PLCH2: variants seen among roughly 807,000 people sequenced by gnomAD.
PLCH2 encodes phospholipase C eta 2.
Under a neutral mutation model 134.7 loss-of-function variants are expected in PLCH2, and 98 were observed. The observed-to-expected ratio is 0.73, with a 90% CI of 0.62 to 0.86. The LOEUF is 0.86. Ranked by LOEUF, PLCH2 falls within the 40% of genes least tolerant of loss-of-function variation. The pLI is 0.00. For synonymous variants in PLCH2, 974 were observed against 827.5 expected, an observed-to-expected ratio of 1.18 and a Z score of -3.04; for missense variants, 1,994 against 1,986.6, an observed-to-expected ratio of 1.00 and a Z score of -0.07.
At chr1:2,503,305 C>T (rs3814298) in intron 21 of PLCH2, 126,696 of 567,120 alleles carry the variant, frequency 0.22, 15,976 homozygotes, top group Middle Eastern at 0.27. Context: ...CTGGGGGCCA[C>T]GTACCATCCC....
chr1:2,431,088 T>C lies in PLCH2; in HGVS notation c.115+459T>C, dbSNP rs140037747. On this transcript the variant is annotated intron_variant, in intron 2 of 3. Transcript: ENST00000609981. ...GAGCTGGTCCCCTGAGCTCCTGAGC[T>C]TCTGCTGGGATGCCCTGGAGTGGCA... Among the ~76,000 whole-genome samples, 125 of 152,302 alleles carry C rather than the reference T, an allele frequency of 8.2e-4. 4 individuals are homozygous for C. The East Asian group carries it at 0.015, about 18-fold the overall frequency.
intron 5 of PLCH2, among the ~76,000 whole-genome samples, chr1:2,486,704 G>A (rs554408527): frequency 1.4e-3 from 209 of 152,352 alleles, no homozygotes; most frequent in African/African-American, 4.7e-3. Context: ...CTCCCGTGCC[G>A]TCAGAGTTCA....
intron 18 of PLCH2, 30 bp from the exon 19 acceptor site, chr1:2,499,054 G>A: frequency 6.3e-7 from 1 of 1,596,018 alleles, no homozygotes; most frequent in Non-Finnish European, 8.5e-7. Flanking sequence ...CCCTCCCCAT[G>A]GGACACTCCT....
chr1:2,436,969 G>A (rs1470046444), intron 2 of PLCH2, among the ~76,000 whole-genome samples: 1 of 152,202 alleles, frequency 6.6e-6, no homozygotes, highest in Non-Finnish European at 1.5e-5. Context: ...CCTTGGGTGG[G>A]GGTGAGCATG....
upstream of PLCH2, among the ~76,000 whole-genome samples, chr1:2,425,105 G>A (rs1042449076): frequency 2.6e-5 from 4 of 151,012 alleles, no homozygotes; most frequent in Non-Finnish European, 5.9e-5. Context: ...GGAGGCTGCA[G>A]TGAGCGGAGA....
chr1:2,441,370 C>T (rs1466630364), intron 2 of PLCH2, among the ~76,000 whole-genome samples: 1 of 152,226 alleles, frequency 6.6e-6, no homozygotes, highest in African/African-American at 2.4e-5. Context: ...TGGGCCTGCA[C>T]TGGGAGGGGC....
chr1:2,490,513 G>C (rs1018910723), intron 10 of PLCH2, among the ~76,000 whole-genome samples: 2 of 152,196 alleles, frequency 1.3e-5, no homozygotes, highest in Non-Finnish European at 2.9e-5. Flanking sequence ...ACACTGCTCT[G>C]GGGCCGCTGC....
In PLCH2 at chr1:2,504,510, G is replaced by C; in HGVS notation, c.3548G>C (p.Arg1183Thr). 6.2e-7 allele frequency: 1 copy of C among 1,612,440 alleles called. No individual in the cohort carries two copies. The highest frequency in any genetic ancestry group is 8.5e-7 in the Non-Finnish European group (1 of 1,179,670). ...GCCCACATGGGACGCCTGCCCCCCA[G>C]GCCCCACTCGGCTTCGGCTGCCCGC... ...AGAHMGRLPP[R>T]PHSASAARPD... Residue 1183 changes from arginine (R) to threonine (T), a missense_variant, in exon 22 of 22, where the codon AGG becomes ACG. Around this residue, in one of 2 missense-constraint regions of PLCH2, gnomAD observed 900 missense variants for 752.3 expected, o/e 1.20. Transcript: ENST00000378486.
chr1:2,436,835 C>CT (rs2100511286), intron 2 of PLCH2, among the ~76,000 whole-genome samples: 1 of 152,302 alleles, frequency 6.6e-6, no homozygotes, highest in East Asian at 1.9e-4. Context: ...GTTGGTCTTC[C>CT]TGGGCCAGGG....
intron 2 of PLCH2, among the ~76,000 whole-genome samples, chr1:2,455,502 G>A (rs1640446123): frequency 6.6e-6 from 1 of 152,194 alleles, no homozygotes; most frequent in African/African-American, 2.4e-5. Context: ...AGGGCCTACT[G>A]GGGGCGCAGG....
upstream of PLCH2, among the ~76,000 whole-genome samples, chr1:2,473,039 G>A (rs1641410977): frequency 6.6e-6 from 1 of 152,162 alleles, no homozygotes; most frequent in Admixed American, 6.5e-5. Flanking sequence ...ACAGCCGCGA[G>A]GCCCATGCTG....
At chr1:2,476,125 G>A (rs893024604), upstream of PLCH2, among the ~76,000 whole-genome samples, 3 of 152,206 alleles carry the variant, frequency 2.0e-5, no homozygotes, top group East Asian at 1.9e-4. Context: ...CTCTTGTCCC[G>A]CAGCCCTGAC....
At chr1:2,501,884 T>C (rs1570497310) in intron 20 of PLCH2, 2 of 465,024 alleles carry the variant, frequency 4.3e-6, no homozygotes, top group African/African-American at 2.0e-5. Context: ...GGGTGGGCCA[T>C]GTGTACTTAG....
At chr1:2,503,644 G>GT (rs1372779334) in intron 21 of PLCH2, 1 of 697,136 alleles carries the variant, frequency 1.4e-6, no homozygotes, top group Non-Finnish European at 2.6e-6. Context: ...CGAGTGACAG[G>GT]TAACGGGGCC....
chr1:2,448,399 T>C lies in PLCH2; in HGVS notation c.115+17770T>C, dbSNP rs1259177210. Among the ~76,000 whole-genome samples the C allele has an allele frequency of 6.6e-6, 1 of 152,154 alleles. No individual in the cohort carries two copies. The highest frequency in any genetic ancestry group is 1.5e-5 in the Non-Finnish European group (1 of 68,014). ...CGTCCCTTGGGTTGTGGCCGCCTCC[T>C]GCTTCTGCCTGTCTTCCCTCGCCCT... On this transcript the variant is annotated intron_variant, in intron 2 of 3. Coordinates refer to the PLCH2 transcript ENST00000609981. This position sits in a 1 kb window ranked among gnomAD's most constrained non-coding sequence, Gnocchi z 4.0.
At chr1:2,425,270 TAC>T (rs139613263), upstream of PLCH2, among the ~76,000 whole-genome samples, 2 of 142,722 alleles carry the variant, frequency 1.4e-5, no homozygotes, top group African/African-American at 6.0e-5. Context: ...TACACACATA[TAC>T]ACACACATAT....
chr1:2,502,379 C>A lies in PLCH2; in HGVS notation c.2929C>A (p.Gln977Lys). The part of the protein sequence containing the change: ...GPGPAPEAPA[Q>K]EGPGSGSPRD... Reference sequence around the variant, plus strand: ...CGGACCTGCTCCGGAAGCCCCAGCCCAGGAGGGGCCCGGCAGCGGCAGCCC... The same window carrying A: ...CGGACCTGCTCCGGAAGCCCCAGCCAAGGAGGGGCCCGGCAGCGGCAGCCC... Residue 977 changes from glutamine to lysine, a missense_variant, in exon 21 of 22, where the codon CAG becomes AAG. By Grantham distance (53) the Gln-to-Lys change is moderately conservative. Transcript: ENST00000378486. 6.5e-7 allele frequency: 1 copy of A among 1,543,698 alleles called. No individual in the cohort carries two copies. Among genetic ancestry groups the A allele is most frequent in the Non-Finnish European group, 8.7e-7 (1 of 1,145,596 alleles).
At chr1:2,461,063 T>C (rs1429611448) in intron 2 of PLCH2, among the ~76,000 whole-genome samples, 1 of 152,166 alleles carries the variant, frequency 6.6e-6, no homozygotes, top group Non-Finnish European at 1.5e-5. Flanking sequence ...GGCCAGCAGC[T>C]CCTGACAGAC....
intron 2 of PLCH2, among the ~76,000 whole-genome samples, chr1:2,460,837 C>A (rs1273088415): frequency 1.3e-5 from 2 of 152,200 alleles, no homozygotes; most frequent in East Asian, 3.9e-4. Flanking sequence ...GGTCTCACAG[C>A]TTCTCTGAGC....
Sources: allele counts gnomAD v4.1 joint callset (sites outside exome capture counted in the v4.1 genomes callset), GRCh38; gene constraint gnomAD v4.1.1; regional missense constraint gnomAD v4.1.1; non-coding constraint Gnocchi (gnomAD v3.1); transcripts MANE v1.5; gene names NCBI Gene and HGNC (gene_info 2026-07-23, HGNC 2026-07-21).